ZEB1: variants seen among roughly 807,000 people sequenced by gnomAD.
ZEB1 encodes zinc finger E-box-binding homeobox 1.
ZEB1 carries 21 observed loss-of-function variants against 84.9 expected under a neutral mutation model. The ratio of observed to expected loss-of-function variants is 0.25; its 90% CI spans 0.18 to 0.36. The LOEUF is 0.36. ZEB1 is among the 10% of genes least tolerant of loss of function. ZEB1 has a pLI of 1.00. For missense variants in ZEB1, 1,104 were observed against 1,330.2 expected (o/e 0.83, Z 2.65); for synonymous variants, 420 against 471.1 (o/e 0.89, Z 1.41).
intron 1 of ZEB1, among the ~76,000 whole-genome samples, chr10:31,449,230 T>C (rs2060219384): frequency 6.6e-6 from 1 of 152,246 alleles, no homozygotes; most frequent in Admixed American, 6.5e-5. Context: ...CCCTGACCCC[T>C]TGCGCTTCCC....
intron 1 of ZEB1, among the ~76,000 whole-genome samples, chr10:31,349,663 A>G (rs1276697100): frequency 1.3e-5 from 2 of 152,184 alleles, no homozygotes; most frequent in Non-Finnish European, 2.9e-5. Flanking sequence ...CATTTCCCTG[A>G]TGATTAGTCA....
rs2139797288 is a variant in ZEB1, at chr10:31,520,772, T to G, written c.1440T>G (p.Leu480=). 1 of 1,614,038 alleles carries G rather than the reference T, an allele frequency of 6.2e-7. No homozygotes were observed. Among genetic ancestry groups the G allele is most frequent in the East Asian group, 2.2e-5 (1 of 44,860 alleles). ...GTTKIIINYS[L]EQPSQLQVVP... The stretch of plus-strand genomic sequence containing the variant: ...CCAAAATTATCATCAACTACAGTCT[T>G]GAGCAGCCTAGCCAACTTCAAGTTG... The change falls in exon 7 of 9, where the codon CTT becomes CTG. Residue 480 remains leucine (L), a synonymous_variant. Coordinates refer to ENST00000424869, the MANE Select transcript of ZEB1 (RefSeq NM_001174096.2). The surrounding 1 kb of genome is among the most constrained non-coding windows in gnomAD (Gnocchi z 5.1).
chr10:31,406,855 G>T (rs1229203292), intron 1 of ZEB1, among the ~76,000 whole-genome samples: 2 of 152,014 alleles, frequency 1.3e-5, no homozygotes, highest in Non-Finnish European at 2.9e-5. Context: ...AATCTATCTT[G>T]AGTTAATTTT....
At chr10:31,338,557 A>G (rs1280033618) in intron 1 of ZEB1, among the ~76,000 whole-genome samples, 2 of 152,164 alleles carry the variant, frequency 1.3e-5, no homozygotes, top group Non-Finnish European at 2.9e-5. Context: ...ACAGGGTACT[A>G]TTTTTGAGCG....
At chr10:31,327,007 A>G (rs2035641683) in intron 1 of ZEB1, among the ~76,000 whole-genome samples, 1 of 151,950 alleles carries the variant, frequency 6.6e-6, no homozygotes, top group African/African-American at 2.4e-5. Context: ...CTAGCCTTGT[A>G]AAATTTTGTA....
In ZEB1 at chr10:31,336,113, T is replaced by C. The variant is rs1211977932; in HGVS notation, c.58+16821T>C. The stretch of plus-strand genomic sequence containing the variant: ...ATGTTTATAAAAGGAGACTTGAACA[T>C]TGTAATGGTGCCATTTCTCCCCAAT... On this transcript the variant is annotated intron_variant, in intron 1 of 8. Coordinates refer to ENST00000424869, the MANE Select transcript of ZEB1 (RefSeq NM_001174096.2). Among the ~76,000 whole-genome samples the C allele has an allele frequency of 4.6e-5, 7 of 152,298 alleles. No homozygotes were observed. The South Asian group carries it at 1.2e-3, about 27-fold the overall frequency.
chr10:31,522,322 A>G (rs113269235), intron 7 of ZEB1, among the ~76,000 whole-genome samples: 2,155 of 152,316 alleles, frequency 0.014, 51 homozygotes, highest in African/African-American at 0.049. Flanking sequence ...TAATGAAAAT[A>G]TGTTCCCATT....
intron 1 of ZEB1, among the ~76,000 whole-genome samples, chr10:31,403,037 A>G (rs2052358929): frequency 6.6e-6 from 1 of 152,150 alleles, no homozygotes; most frequent in African/African-American, 2.4e-5. Flanking sequence ...AAGTATATGT[A>G]TATAGTAAAT....
chr10:31,521,626 A>C lies in ZEB1; in HGVS notation c.2294A>C (p.Gln765Pro). 1 of 1,614,154 alleles carries C rather than the reference A, an allele frequency of 6.2e-7. No individual in the cohort carries two copies. Among genetic ancestry groups the C allele is most frequent in the Non-Finnish European group, 8.5e-7 (1 of 1,180,014 alleles). Reference protein sequence around the residue: ...SVYQNSVYSVQEEPLNLSCAK... With the variant: ...SVYQNSVYSVPEEPLNLSCAK... The stretch of plus-strand genomic sequence containing the variant: ...TACCAGAACAGTGTTTATTCTGTCC[A>C]GGAAGAACCCTTGAACTTGTCTTGC... The change falls in exon 7 of 9, where the codon CAG becomes CCG. Residue 765 changes from glutamine to proline, a missense_variant. This residue lies in a region of ZEB1 where 531 missense variants were observed against 575.2 expected (regional missense o/e 0.92). Coordinates refer to ENST00000424869, the MANE Select transcript of ZEB1 (RefSeq NM_001174096.2).
intron 7 of ZEB1, among the ~76,000 whole-genome samples, chr10:31,523,698 GC>G (rs2072846345): frequency 6.6e-6 from 1 of 152,094 alleles, no homozygotes; most frequent in South Asian, 2.1e-4. Context: ...ATATGTCTTT[GC>G]TATGGTTTTG....
intron 1 of ZEB1, among the ~76,000 whole-genome samples, chr10:31,385,799 T>TA (rs1288425681): frequency 6.6e-6 from 1 of 152,300 alleles, no homozygotes; most frequent in East Asian, 1.9e-4. Context: ...GTGCTGGAAT[T>TA]ACAGGCATGA....
chr10:31,320,216 T>G (rs1256412976), intron 1 of ZEB1: 1 of 151,600 alleles, frequency 6.6e-6, no homozygotes, highest in Non-Finnish European at 1.5e-5. Flanking sequence ...AGGTACCCAC[T>G]TAACGCCGCC....
intron 1 of ZEB1, among the ~76,000 whole-genome samples, chr10:31,358,888 A>G (rs1190299805): frequency 6.6e-6 from 1 of 152,178 alleles, no homozygotes. Context: ...GTAGGCCAAA[A>G]TGGTTTATGC....
chr10:31,519,193 T>G (rs1203322267), intron 6 of ZEB1, among the ~76,000 whole-genome samples: 1 of 152,192 alleles, frequency 6.6e-6, no homozygotes, highest in Non-Finnish European at 1.5e-5. Flanking sequence ...TACTGAAGCT[T>G]ATAGTCTGTA....
chr10:31,398,883 T>C (rs2051337118), intron 1 of ZEB1, among the ~76,000 whole-genome samples: 1 of 152,122 alleles, frequency 6.6e-6, no homozygotes, highest in African/African-American at 2.4e-5. Flanking sequence ...GCTCCAACAT[T>C]TGGAATTTTG....
chr10:31,486,397 G>A (rs2065771686), intron 2 of ZEB1, among the ~76,000 whole-genome samples: 1 of 151,578 alleles, frequency 6.6e-6, no homozygotes, highest in Non-Finnish European at 1.5e-5. Flanking sequence ...TGTTTTATCA[G>A]ATATTTTTTA....
At chr10:31,477,680 A>G (rs191170588) in intron 2 of ZEB1, among the ~76,000 whole-genome samples, 11 of 152,196 alleles carry the variant, frequency 7.2e-5, no homozygotes, top group Middle Eastern at 6.8e-3. Flanking sequence ...GATCAGAGGA[A>G]TAGAACAAAG....
chr10:31,342,717 G>A (rs537875533), intron 1 of ZEB1, among the ~76,000 whole-genome samples: 6 of 152,206 alleles, frequency 3.9e-5, no homozygotes, highest in Admixed American at 2.0e-4. Flanking sequence ...CTTTTTAAAC[G>A]TAGATTGAGG....
intron 2 of ZEB1, among the ~76,000 whole-genome samples, chr10:31,469,915 G>A (rs545891841): frequency 8.5e-5 from 13 of 152,204 alleles, no homozygotes; most frequent in South Asian, 8.3e-4. Context: ...CCTAACCCCC[G>A]AGCAGCCTAA....
Sources: gnomAD v4.1 joint callset for allele counts (sites outside exome capture counted in the v4.1 genomes callset) on GRCh38, gnomAD v4.1.1 for gene constraint, gnomAD v4.1.1 regional missense constraint, Gnocchi (gnomAD v3.1) non-coding constraint, MANE v1.5 for transcripts, NCBI Gene and HGNC (gene_info 2026-07-23, HGNC 2026-07-21) for gene names.